The following FGD4 variants were observed in gnomAD, a reference collection of about 807,000 sequenced individuals.
The protein encoded by FGD4 is FYVE, RhoGEF and PH domain containing 4, also known as FYVE, RhoGEF and PH domain-containing protein 4.
FGD4 carries 42 observed loss-of-function variants against 102.0 expected under a neutral mutation model. That is an observed-to-expected ratio of 0.41 (90% confidence interval 0.32 to 0.53). FGD4 has a LOEUF of 0.53. Among genes scored for constraint, FGD4 ranks in the 20% least tolerant of loss-of-function variants. The probability of loss-of-function intolerance (pLI) is 0.21; values close to 1 mark genes in which losing one functional copy is unlikely to be tolerated. For missense variants in FGD4, 902 were observed against 1,078.2 expected, an observed-to-expected ratio of 0.84 and a Z score of 2.29; for synonymous variants, 380 against 375.7, an observed-to-expected ratio of 1.01 and a Z score of -0.13.
At chr12:32,598,341 A>G (rs1948076505) in intron 4 of FGD4, among the ~76,000 whole-genome samples, 156 bp from the exon 5 acceptor site, 1 of 152,222 alleles carries the variant, frequency 6.6e-6, no homozygotes, top group Admixed American at 6.5e-5. Context: ...AATTTTGTTC[A>G]TTTCTGGTTT....
intron 1 of FGD4, among the ~76,000 whole-genome samples, chr12:32,526,669 C>T (rs142025391): frequency 2.6e-5 from 4 of 152,296 alleles, no homozygotes; most frequent in East Asian, 1.9e-4. Context: ...TTTGTTCTTT[C>T]GCTATTTGCG....
intron 1 of FGD4, among the ~76,000 whole-genome samples, chr12:32,563,346 T>A (rs1944847460): frequency 7.1e-6 from 1 of 141,636 alleles, no homozygotes; most frequent in Non-Finnish European, 1.5e-5. Flanking sequence ...GCAGGGGCGC[T>A]CCTCACATCC....
At chr12:32,617,261 C>A (rs1304823489) in intron 10 of FGD4, among the ~76,000 whole-genome samples, 2 of 152,156 alleles carry the variant, frequency 1.3e-5, no homozygotes, top group Non-Finnish European at 2.9e-5. Context: ...ACAAAACAAC[C>A]AAGACTTTTT....
intron 1 of FGD4, among the ~76,000 whole-genome samples, chr12:32,502,813 G>T (rs1468793960): frequency 6.6e-6 from 1 of 152,178 alleles, no homozygotes; most frequent in Non-Finnish European, 1.5e-5. Flanking sequence ...TGTTTATGCA[G>T]TTTTATTTTG....
At chr12:32,452,197 C>T (rs1346048792) in intron 1 of FGD4, among the ~76,000 whole-genome samples, 1 of 152,110 alleles carries the variant, frequency 6.6e-6, no homozygotes, top group Non-Finnish European at 1.5e-5. Flanking sequence ...TCCTGTTTCA[C>T]TATTATTTTT....
intron 1 of FGD4, among the ~76,000 whole-genome samples, chr12:32,513,910 G>T (rs188847792): frequency 2.8e-4 from 43 of 152,256 alleles, no homozygotes; most frequent in African/African-American, 9.9e-4. Context: ...TCACAATTTT[G>T]CAAATAAATA....
chr12:32,409,323 TTG>T (rs1941100400), intron 1 of FGD4, among the ~76,000 whole-genome samples: 1 of 145,968 alleles, frequency 6.9e-6, no homozygotes, highest in East Asian at 2.1e-4. Context: ...AGTCTCACTC[TTG>T]TCCCCCAAGC....
Position 32,405,871 on chromosome 12 carries a change from CTT to C in FGD4, c.166+5921_166+5922del, listed in dbSNP as rs373750511. ...ACTTGTATTGCTCTTACTCAAATCTCTTTTTTTTTTCAAATACGCATTTGCTG... is the reference window on the plus strand; with the variant it reads ...ACTTGTATTGCTCTTACTCAAATCTCTTTTTTTTCAAATACGCATTTGCTG... On this transcript the variant is annotated intron_variant, in intron 1 of 16. Coordinates refer to ENST00000534526, the MANE Select transcript of FGD4 (RefSeq NM_001370298.3). 2.1e-3 allele frequency among the ~76,000 whole-genome samples: 311 copies of C among 148,826 alleles called. 2 individuals are homozygous for C. The highest frequency in any genetic ancestry group is 7.1e-3 in the African/African-American group (288 of 40,512).
chr12:32,438,513 G>T (rs567556024), intron 1 of FGD4, among the ~76,000 whole-genome samples: 26 of 152,156 alleles, frequency 1.7e-4, no homozygotes, highest in African/African-American at 5.8e-4. Context: ...GAATGTATCT[G>T]TAAGTAAGTG....
At chr12:32,464,206 G>A (rs1943189252) in intron 1 of FGD4, among the ~76,000 whole-genome samples, 2 of 152,146 alleles carry the variant, frequency 1.3e-5, no homozygotes, top group Non-Finnish European at 2.9e-5. Flanking sequence ...AGGCTAGTGT[G>A]CACTGGTGCA....
intron 1 of FGD4, among the ~76,000 whole-genome samples, chr12:32,450,798 C>T (rs997146369): frequency 6.6e-6 from 1 of 152,212 alleles, no homozygotes; most frequent in Non-Finnish European, 1.5e-5. Context: ...CCACAGGATT[C>T]ATTCCAGTTT....
At chr12:32,613,897 A>G (rs1256811003) in intron 10 of FGD4, among the ~76,000 whole-genome samples, 1 of 152,260 alleles carries the variant, frequency 6.6e-6, no homozygotes, top group Non-Finnish European at 1.5e-5. Flanking sequence ...CAAAAATGAT[A>G]AAATCATTGA....
intron 16 of FGD4, chr12:32,639,029 G>A (rs1203191430): frequency 5.0e-6 from 6 of 1,192,488 alleles, no homozygotes; most frequent in Non-Finnish European, 6.6e-6. Context: ...TCATTCAATG[G>A]GTTTGAGAAA....
intron 4 of FGD4, among the ~76,000 whole-genome samples, chr12:32,587,187 C>CAAAAA (rs1181469038): frequency 1.4e-4 from 9 of 66,140 alleles, no homozygotes; most frequent in South Asian, 6.0e-4. Flanking sequence ...GAGACTCTCT[C>CAAAAA]AAAAAAAAAA....
chr12:32,610,207 C>G (rs541189109), intron 8 of FGD4, among the ~76,000 whole-genome samples: 1 of 152,298 alleles, frequency 6.6e-6, no homozygotes, highest in East Asian at 1.9e-4. Context: ...GTGACCTCAG[C>G]CAAGTTGTAT....
In FGD4 at chr12:32,550,670, CAA is replaced by C. The variant is rs71447606; in HGVS notation, c.167-13447_167-13446del. Among the ~76,000 whole-genome samples, 509 of 89,214 alleles carry C rather than the reference CAA, an allele frequency of 5.7e-3. 3 individuals are homozygous for C. Among genetic ancestry groups the C allele is most frequent in the African/African-American group, 0.015 (360 of 23,314 alleles). The allele number at this position is 89,214 out of a possible 152,430, so 58.5% of individuals were successfully genotyped here. A position where few individuals can be genotyped will look rare whatever the true frequency, so the allele number is the denominator to read the frequency against. On this transcript the variant is annotated intron_variant, in intron 1 of 16. Transcript: ENST00000534526. ...TGGGCGACAGAGCAAGACACTGTCT[CAA>C]AAAAAAAAAAAAAAAAAAAGAAAGA...
At chr12:32,608,156 A>G in intron 8 of FGD4, 61 bp downstream of exon 8, 1 of 1,600,474 alleles carries the variant, frequency 6.2e-7, no homozygotes. Context: ...AAGCAGCCTT[A>G]TGGTTTCAAA....
chr12:32,433,155 C>T (rs942366081), intron 1 of FGD4, among the ~76,000 whole-genome samples: 1 of 151,810 alleles, frequency 6.6e-6, no homozygotes, highest in Admixed American at 6.6e-5. Context: ...CACCACCACA[C>T]CTCGCTAATT....
intron 2 of FGD4, among the ~76,000 whole-genome samples, chr12:32,569,396 C>T (rs1429916343): frequency 1.3e-5 from 2 of 152,132 alleles, no homozygotes; most frequent in African/African-American, 4.8e-5. Context: ...TCTCAGGCCT[C>T]CCTATGCACT....
Sources: gnomAD v4.1 joint callset for allele counts (sites outside exome capture counted in the v4.1 genomes callset) on GRCh38, gnomAD v4.1.1 for gene constraint, MANE v1.5 for transcripts, NCBI Gene and HGNC (gene_info 2026-07-23, HGNC 2026-07-21) for gene names.